The following CEP63 variants were observed in gnomAD, a reference collection of about 807,000 sequenced individuals.
CEP63 encodes centrosomal protein 63, also known as centrosomal protein of 63 kDa.
Under a neutral mutation model 89.1 loss-of-function variants are expected in CEP63, and 84 were observed. That is an observed-to-expected ratio of 0.94 (90% CI 0.79 to 1.13). CEP63 has a LOEUF of 1.13. Ranked by LOEUF, CEP63 falls within the 50% of genes most tolerant of loss-of-function variation. The pLI is 0.00. For synonymous variants in CEP63, 267 were observed against 272.5 expected (o/e 0.98, Z 0.20); for missense variants, 838 against 813.3 (o/e 1.03, Z -0.37).
the CEP63 span, among the ~76,000 whole-genome samples, chr3:134,667,073 C>A: frequency 2.2e-4 from 34 of 152,194 alleles, no homozygotes; most frequent in Non-Finnish European, 4.4e-4. Context: ...CAATCGGTGT[C>A]CGAGGCTACC....
At chr3:134,659,775 C>T in the CEP63 span, among the ~76,000 whole-genome samples, 4 of 152,178 alleles carry the variant, frequency 2.6e-5, no homozygotes, top group African/African-American at 9.7e-5. Flanking sequence ...TAAGAGCAGC[C>T]TTTTGATTAT....
At chr3:134,752,612 C>A in the CEP63 span, among the ~76,000 whole-genome samples, 2 of 152,122 alleles carry the variant, frequency 1.3e-5, no homozygotes, top group Non-Finnish European at 2.9e-5. Context: ...TAATTAATTA[C>A]AATAATAAAA....
chr3:134,627,642 G>T, the CEP63 span: 1 of 853,324 alleles, frequency 1.2e-6, no homozygotes, highest in Non-Finnish European at 2.0e-6. Context: ...ACCCAAAGGT[G>T]GCCCCAGCCT....
Position 134,564,527 on chromosome 3 carries a change from A to C in CEP63, c.*2992A>C. 1 of 985,446 alleles carries C rather than the reference A, an allele frequency of 1.0e-6. No homozygotes were observed. The highest frequency in any genetic ancestry group is 1.2e-6 in the Non-Finnish European group (1 of 829,924). The allele number at this position is 985,446 out of a possible 1,614,324, so 61.0% of individuals were successfully genotyped here. A position where few individuals can be genotyped will look rare whatever the true frequency, so the allele number is the denominator to read the frequency against. ...GGGGCTAAGTCCTGCCTACATCCTC[A>C]GTCAGCATGCTGCCTAACACATAAC... On this transcript the variant is annotated 3_prime_UTR_variant, in exon 15 of 15. Coordinates refer to ENST00000675561, the MANE Select transcript of CEP63 (RefSeq NM_001353108.3).
rs573259588 is a variant in CEP63, at chr3:134,500,026, A to G, written c.44+4662A>G. Among the ~76,000 whole-genome samples the G allele has an allele frequency of 4.0e-5, 6 of 151,844 alleles. 1 individual carries two copies. Among genetic ancestry groups the G allele is most frequent in the African/African-American group, 1.4e-4 (6 of 41,394 alleles). ...TTTTTGGTAGAGATGGGATTTCGCCATGTTGGCCAGGCTGGTCTCGAACTC... is the reference window on the plus strand; with the variant it reads ...TTTTTGGTAGAGATGGGATTTCGCCGTGTTGGCCAGGCTGGTCTCGAACTC... On this transcript the variant is annotated intron_variant, in intron 2 of 14. Coordinates refer to ENST00000675561, the MANE Select transcript of CEP63 (RefSeq NM_001353108.3).
chr3:134,532,971 C>A lies in CEP63; in HGVS notation c.441+71C>A, dbSNP rs990228495. ...CGTAGGAAAATGCGGTTTCTAATGG[C>A]ACTATTTTCTGGAACCAATTTTCTA... On this transcript the variant is annotated intron_variant, in intron 5 of 14. Coordinates refer to ENST00000675561, the MANE Select transcript of CEP63 (RefSeq NM_001353108.3). 19 of 1,543,430 alleles carry A rather than the reference C, an allele frequency of 1.2e-5. No homozygotes were observed. In the South Asian group the frequency reaches 2.1e-4, roughly 17 times the overall value.
chr3:134,774,441 T>TA, the CEP63 span, among the ~76,000 whole-genome samples: 4 of 151,936 alleles, frequency 2.6e-5, no homozygotes, highest in African/African-American at 9.7e-5. Context: ...GAGAATCCTG[T>TA]AAAATGAAAG....
At chr3:134,650,714 G>T in the CEP63 span, 4 of 1,046,414 alleles carry the variant, frequency 3.8e-6, no homozygotes, top group Non-Finnish European at 5.3e-6. Context: ...AGAGGGTCGG[G>T]TTCGCTGACC....
intron 10 of CEP63, 86 bp downstream of exon 10, chr3:134,549,262 A>G (rs1329853777): frequency 1.2e-6 from 1 of 839,344 alleles, no homozygotes; most frequent in African/African-American, 1.7e-5. Context: ...GTTATTTTTA[A>G]TGAGAAAAAA....
chr3:134,652,412 T>G, the CEP63 span, among the ~76,000 whole-genome samples: 1 of 151,924 alleles, frequency 6.6e-6, no homozygotes, highest in African/African-American at 2.4e-5. Context: ...TTTGGTTCCG[T>G]GTAAAGGCTG....
chr3:134,608,792 T>A, the CEP63 span: 1 of 1,613,970 alleles, frequency 6.2e-7, no homozygotes, highest in East Asian at 2.2e-5. Flanking sequence ...TGGGAAGTGG[T>A]CCTCGATGAA....
chr3:134,547,939 G>A (rs1287517002), intron 9 of CEP63, among the ~76,000 whole-genome samples: 1 of 152,084 alleles, frequency 6.6e-6, no homozygotes, highest in Non-Finnish European at 1.5e-5. Flanking sequence ...GAAGACAGAA[G>A]CAATTAAAGG....
chr3:134,701,392 G>A, the CEP63 span, among the ~76,000 whole-genome samples: 38 of 56,552 alleles, frequency 6.7e-4, 3 homozygotes, highest in South Asian at 6.7e-3. Flanking sequence ...ACGTATATAT[G>A]TGTATATATA....
At chr3:134,653,508 A>G in the CEP63 span, among the ~76,000 whole-genome samples, 3 of 152,194 alleles carry the variant, frequency 2.0e-5, no homozygotes, top group Non-Finnish European at 4.4e-5. Flanking sequence ...AGGAGCATAG[A>G]TGAGATGCTC....
At chr3:134,708,180 A>G in the CEP63 span, among the ~76,000 whole-genome samples, 642 of 152,292 alleles carry the variant, frequency 4.2e-3, 2 homozygotes, top group African/African-American at 0.015. Flanking sequence ...GTCCTTCTCA[A>G]ATGAGCATTC....
At chr3:134,654,396 A>G in the CEP63 span, among the ~76,000 whole-genome samples, 5 of 152,102 alleles carry the variant, frequency 3.3e-5, no homozygotes, top group Admixed American at 6.5e-5. Flanking sequence ...TCTCTTCTCT[A>G]TAGAGATAGA....
the CEP63 span, among the ~76,000 whole-genome samples, chr3:134,636,255 T>C: frequency 6.6e-6 from 1 of 152,254 alleles, no homozygotes; most frequent in African/African-American, 2.4e-5. Context: ...ATCTTATCAG[T>C]AGTGCAAGAG....
chr3:134,694,508 G>T, the CEP63 span, among the ~76,000 whole-genome samples: 1 of 152,184 alleles, frequency 6.6e-6, no homozygotes, highest in African/African-American at 2.4e-5. Context: ...AAGGATGTTT[G>T]TCTGTGCCTG....
intron 3 of CEP63, 22 bp downstream of exon 3, chr3:134,507,308 T>C: frequency 6.4e-7 from 1 of 1,565,278 alleles, no homozygotes; most frequent in Non-Finnish European, 8.8e-7. Context: ...TATTTGTTCT[T>C]CTTTTTGACA....
Sources: allele counts gnomAD v4.1 joint callset (sites outside exome capture counted in the v4.1 genomes callset), GRCh38; gene constraint gnomAD v4.1.1; transcripts MANE v1.5; gene names NCBI Gene and HGNC (gene_info 2026-07-23, HGNC 2026-07-21).